Variants in SOX5 observed in about 807,000 individuals in gnomAD.
The protein encoded by SOX5 is SRY-box transcription factor 5, also known as transcription factor SOX-5.
A neutral mutation model predicts 92.0 loss-of-function variants in SOX5; 9 were observed. The ratio of observed to expected loss-of-function variants is 0.10; its 90% CI spans 0.06 to 0.17. SOX5 has a LOEUF of 0.17. Among genes scored for constraint, SOX5 ranks in the 10% least tolerant of loss-of-function variants. The pLI is 1.00. For missense variants in SOX5, 642 were observed against 944.5 expected, an observed-to-expected ratio of 0.68 and a Z score of 4.20; for synonymous variants, 344 against 336.3, an observed-to-expected ratio of 1.02 and a Z score of -0.25.
intron 4 of SOX5, among the ~76,000 whole-genome samples, chr12:24,047,960 CA>C (rs1957212243): frequency 6.6e-6 from 1 of 152,174 alleles, no homozygotes; most frequent in Non-Finnish European, 1.5e-5. Flanking sequence ...TCCTTTTCTT[CA>C]GTTAGGAGCT....
chr12:23,707,546 T>A (rs984277251), intron 6 of SOX5, among the ~76,000 whole-genome samples: 1 of 152,146 alleles, frequency 6.6e-6, no homozygotes, highest in Non-Finnish European at 1.5e-5. Flanking sequence ...GAGTAGAATA[T>A]ACAGAGAGCA....
At position 24,146,737 on chromosome 12, in the gene SOX5, GAA is replaced by G. The variant is rs71059979; in HGVS notation, c.-2+66604_-2+66605del. Among the ~76,000 whole-genome samples, 128 of 119,410 alleles carry G rather than the reference GAA, an allele frequency of 1.1e-3. No individual in the cohort carries two copies. In the South Asian group the frequency reaches 0.029, roughly 27 times the overall value. 78.3% of individuals were successfully genotyped at this position (119,410 alleles called of 152,430 possible). ...AATCGCTAGCCAGGCTGGTCAGGAG[GAA>G]AAAAAAAAAAAAAGGAGAGAAGATA... is the stretch of plus-strand genomic sequence containing the variant. On this transcript the variant is annotated intron_variant, in intron 4 of 4. Transcript: ENST00000446891.
chr12:23,635,735 G>C (rs1431925815), intron 8 of SOX5, among the ~76,000 whole-genome samples: 2 of 152,098 alleles, frequency 1.3e-5, no homozygotes, highest in African/African-American at 4.8e-5. Context: ...AGAGTGCATT[G>C]AAAGGGGCAA....
chr12:23,642,121 T>C (rs2080150527), intron 7 of SOX5, among the ~76,000 whole-genome samples: 2 of 152,190 alleles, frequency 1.3e-5, no homozygotes. Flanking sequence ...TGTTGTAATT[T>C]GTTGTGATTT....
At chr12:24,541,696 A>G (rs1050752914) in intron 1 of SOX5, among the ~76,000 whole-genome samples, 1 of 152,228 alleles carries the variant, frequency 6.6e-6, no homozygotes, top group Non-Finnish European at 1.5e-5. Flanking sequence ...AGCATGGTAC[A>G]AGCTTAAAAG....
At chr12:24,391,614 A>G (rs182524078) in intron 1 of SOX5, among the ~76,000 whole-genome samples, 1 of 152,286 alleles carries the variant, frequency 6.6e-6, no homozygotes, top group East Asian at 1.9e-4. Flanking sequence ...ACTAAATCAA[A>G]TGTTATGATA....
chr12:23,972,524 AT>A (rs142280933), intron 4 of SOX5, among the ~76,000 whole-genome samples: 46,520 of 151,494 alleles, frequency 0.31, 8,098 homozygotes, highest in Non-Finnish European at 0.39. Flanking sequence ...CGCCTGGCTA[AT>A]TTTTTGTATT....
chr12:24,525,879 G>T (rs1378984405), intron 1 of SOX5, among the ~76,000 whole-genome samples: 1 of 151,742 alleles, frequency 6.6e-6, no homozygotes, highest in African/African-American at 2.4e-5. Context: ...GTAGCCAGTA[G>T]GTATGAAGAA....
At chr12:23,649,054 G>A (rs1327856641) in intron 7 of SOX5, among the ~76,000 whole-genome samples, 1 of 151,906 alleles carries the variant, frequency 6.6e-6, no homozygotes, top group Non-Finnish European at 1.5e-5. Context: ...ATTTTTTCAA[G>A]CCAAGATTAC....
intron 4 of SOX5, among the ~76,000 whole-genome samples, chr12:24,126,637 C>A (rs969862957): frequency 6.6e-6 from 1 of 152,206 alleles, no homozygotes; most frequent in Non-Finnish European, 1.5e-5. Context: ...AACATTGTCT[C>A]ATAATGTAAA....
intron 6 of SOX5, among the ~76,000 whole-genome samples, chr12:23,675,160 G>A (rs981115137): frequency 7.2e-5 from 11 of 152,086 alleles, no homozygotes; most frequent in South Asian, 2.1e-4. Context: ...ATATCTTGAC[G>A]TTGACTTGTT....
intron 2 of SOX5, among the ~76,000 whole-genome samples, chr12:24,281,316 T>C (rs1489124450): frequency 1.3e-5 from 2 of 151,768 alleles, no homozygotes; most frequent in Non-Finnish European, 2.9e-5. Flanking sequence ...AGATAAAGTA[T>C]AATAGACTCT....
At chr12:24,402,442 T>C (rs1055567682) in intron 1 of SOX5, among the ~76,000 whole-genome samples, 11 of 152,194 alleles carry the variant, frequency 7.2e-5, no homozygotes, top group African/African-American at 2.4e-4. Context: ...CACACCAACA[T>C]AGCCATTAAT....
At chr12:23,999,183 TGC>T (rs953865864) in intron 4 of SOX5, among the ~76,000 whole-genome samples, 2 of 133,984 alleles carry the variant, frequency 1.5e-5, no homozygotes, top group Non-Finnish European at 3.3e-5. Context: ...TGTGTACCAT[TGC>T]TTCTCTTAAG....
intron 1 of SOX5, among the ~76,000 whole-genome samples, chr12:23,916,082 G>T (rs1411751023): frequency 3.9e-5 from 6 of 152,022 alleles, no homozygotes; most frequent in African/African-American, 1.4e-4. Flanking sequence ...GCTAACACAA[G>T]AAATAAGAAT....
chr12:24,085,523 G>A (rs1327295172), intron 4 of SOX5, among the ~76,000 whole-genome samples: 3 of 151,904 alleles, frequency 2.0e-5, no homozygotes, highest in African/African-American at 7.3e-5. Context: ...TGTTAAACCA[G>A]GACTTTATTT....
intron 10 of SOX5, among the ~76,000 whole-genome samples, chr12:23,575,400 G>A (rs1948956051): frequency 6.6e-6 from 1 of 152,166 alleles, no homozygotes; most frequent in Admixed American, 6.5e-5. Flanking sequence ...TAGTCACTTA[G>A]TCCTCTTTTT....
At chr12:23,765,466 A>C (rs1331622661) in intron 3 of SOX5, among the ~76,000 whole-genome samples, 1 of 151,286 alleles carries the variant, frequency 6.6e-6, no homozygotes, top group Admixed American at 6.6e-5. Context: ...ATAAGTTAAA[A>C]AAGAAGCAAA....
intron 1 of SOX5, among the ~76,000 whole-genome samples, chr12:24,527,954 T>C (rs1950855556): frequency 1.3e-5 from 2 of 152,258 alleles, no homozygotes; most frequent in Admixed American, 1.3e-4. Flanking sequence ...TGACTTTTCC[T>C]TAGAGACACA....
Sources: gnomAD v4.1 joint callset for allele counts (sites outside exome capture counted in the v4.1 genomes callset) on GRCh38, gnomAD v4.1.1 for gene constraint, MANE v1.5 for transcripts, NCBI Gene and HGNC (gene_info 2026-07-23, HGNC 2026-07-21) for gene names.